STRC: variants seen among roughly 807,000 people sequenced by gnomAD.
STRC encodes stereocilin.
Under a neutral mutation model 103.5 loss-of-function variants are expected in STRC, and 43 were observed. That is an observed-to-expected ratio of 0.42 (90% CI 0.33 to 0.54). STRC has a LOEUF of 0.54. STRC is among the 20% of genes least tolerant of loss of function. The pLI is 0.14. For synonymous variants in STRC, 186 were observed against 442.3 expected (o/e 0.42, Z 7.27); for missense variants, 499 against 1,088.5 (o/e 0.46, Z 7.62).
chr15:43,606,457 G>T (rs1175407471), intron 18 of STRC, among the ~76,000 whole-genome samples: 1 of 149,088 alleles, frequency 6.7e-6, no homozygotes. Context: ...AAAATTAGCC[G>T]GGTGTGGTGG....
chr15:43,604,334 CTCCCT>C (rs2085696619), intron 21 of STRC, 22 bp downstream of exon 21: 1 of 1,571,748 alleles, frequency 6.4e-7, no homozygotes, highest in Non-Finnish European at 8.7e-7. Flanking sequence ...TATGCATTTA[CTCCCT>C]TCCCTTCTTC....
rs368600593 is a variant in STRC at position 43,600,047 on chromosome 15, G to A, written c.5152C>T (p.Pro1718Ser). ...GGACTCAGAAAGGCCATTTGCTCAGGAGTGACAGCCACAGCCTGAGCACTG... is the reference window on the plus strand; with the variant it reads ...GGACTCAGAAAGGCCATTTGCTCAGAAGTGACAGCCACAGCCTGAGCACTG... ...LTSAQAVAVT[P>S]EQMAFLSPEQ... is the part of the protein sequence containing the mutation. Residue 1718 changes from proline (P) to serine (S), a missense_variant, in exon 28 of 29, where the codon CCT becomes TCT. Transcript: ENST00000450892. 228 of 1,612,354 alleles carry A rather than the reference G, an allele frequency of 1.4e-4. 3 individuals are homozygous for A. Among genetic ancestry groups the A allele is most frequent in the Non-Finnish European group, 1.9e-4 (225 of 1,179,452 alleles).
intron 21 of STRC, 83 bp downstream of exon 21, chr15:43,604,278 G>T: frequency 6.3e-7 from 1 of 1,595,480 alleles, no homozygotes; most frequent in Non-Finnish European, 8.6e-7. Flanking sequence ...CATATCCTTT[G>T]CCCTCTTTGG....
At chr15:43,603,827 C>G (rs1317553590) in intron 22 of STRC, among the ~76,000 whole-genome samples, 169 bp downstream of exon 22, 2 of 151,950 alleles carry the variant, frequency 1.3e-5, no homozygotes, top group African/African-American at 4.8e-5. Context: ...TTTACAAACT[C>G]CCAGAACTAC....
intron 16 of STRC, among the ~76,000 whole-genome samples, chr15:43,608,741 A>AAG (rs2085728895): frequency 6.9e-6 from 1 of 144,254 alleles, no homozygotes; most frequent in Non-Finnish European, 1.5e-5. Flanking sequence ...AAAAAAAAAA[A>AAG]AAGATTCTGA....
intron 16 of STRC, 81 bp downstream of exon 16, chr15:43,609,195 A>T: frequency 6.9e-7 from 1 of 1,442,022 alleles, no homozygotes; most frequent in Non-Finnish European, 9.7e-7. Flanking sequence ...CCCATTCCAT[A>T]TCACATGGTG....
intron 23 of STRC, 55 bp from the exon 24 acceptor site, chr15:43,601,606 C>A (rs533699412): frequency 3.1e-5 from 50 of 1,594,038 alleles, no homozygotes; most frequent in Middle Eastern, 3.3e-4. Flanking sequence ...GGGAGTCATA[C>A]TGCTGGGTTT....
intron 23 of STRC, chr15:43,601,815 C>G: frequency 2.1e-6 from 1 of 465,234 alleles, no homozygotes; most frequent in African/African-American, 2.0e-5. Flanking sequence ...GACACAGAGA[C>G]GCTTATTAAA....
chr15:43,600,670 G>C lies in STRC; in HGVS notation c.4857C>G (p.Leu1619=), dbSNP rs751876108. Residue 1619 remains leucine (L), a synonymous_variant, in exon 26 of 29, where the codon CTC becomes CTG. Coordinates refer to ENST00000450892, the MANE Select transcript of STRC (RefSeq NM_153700.2). ...ACTGGAGATGCAGGGTGCCGAGGAA[G>C]AGAGCTGCTTGGCTGTAGAACAGTA... The part of the protein sequence containing the change: ...ISSWEFSQAA[L]FLGTLHLQCS... 1.9e-5 allele frequency: 30 copies of C among 1,613,548 alleles called. No individual in the cohort carries two copies. The Admixed American group carries it at 4.3e-4, about 23-fold the overall frequency.
intron 18 of STRC, among the ~76,000 whole-genome samples, chr15:43,606,607 T>G (rs1328017849): frequency 7.8e-6 from 1 of 128,074 alleles, no homozygotes; most frequent in East Asian, 2.5e-4. Context: ...CTCAAAAATA[T>G]AAATAAATAA....
rs547048922 is a variant in STRC at position 43,609,401 on chromosome 15, G to C, written c.3499-67C>G. Reference sequence around the variant, plus strand: ...CTGTCCAAGGATACCCCCTAGAGTGGAGAGGCAGGACTGCCTTGGACCCAG... The same window carrying C: ...CTGTCCAAGGATACCCCCTAGAGTGCAGAGGCAGGACTGCCTTGGACCCAG... On this transcript the variant is annotated intron_variant, in intron 15 of 28. Transcript: ENST00000450892. 1.1e-3 allele frequency: 1,651 copies of C among 1,494,758 alleles called. 29 individuals are homozygous for C. The highest frequency in any genetic ancestry group is 7.2e-3 in the African/African-American group (458 of 63,484). 92.6% of individuals were successfully genotyped at this position (1,494,758 alleles called of 1,614,324 possible).
In STRC at chr15:43,605,279, C is replaced by T. The variant is rs367697646; in HGVS notation, c.3915G>A (p.Arg1305=). 2.2e-5 allele frequency: 35 copies of T among 1,588,536 alleles called. No homozygotes were observed. Among genetic ancestry groups the T allele is most frequent in the South Asian group, 5.7e-5 (5 of 87,832 alleles). Residue 1305 remains arginine (R), a synonymous_variant, in exon 19 of 29, where the codon AGG becomes AGA. Transcript: ENST00000450892. ...GGACTCTTACCAGGTTTTGTAGTGC[C>T]CTCTCTGCCAGGGCTGCCTGGTGGA... ...TPLHQAALAE[R]ALQNLAPKET... is the part of the protein sequence containing the mutation.
chr15:43,607,000 A>C (rs1281694729), intron 18 of STRC, among the ~76,000 whole-genome samples: 1 of 130,724 alleles, frequency 7.6e-6, no homozygotes, highest in African/African-American at 3.1e-5. Context: ...ACTCTGTCTC[A>C]AAAAAAAAAA....
Position 43,604,082 on chromosome 15 carries a change from C to G in STRC, c.4289G>C (p.Gly1430Ala), listed in dbSNP as rs1309112053. The change falls in exon 22 of 29, where the codon GGA (glycine) becomes GCA (alanine). Residue 1430 changes from glycine (G) to alanine (A), a missense_variant. Coordinates refer to ENST00000450892, the MANE Select transcript of STRC (RefSeq NM_153700.2). ...AAGCTGTGGCTCCCTACACAGCTGT[C>G]CAACTCTGCTCTGCTCCCAGCTCTG... ...KQQSWEQSRV[G>A]QLCREPQLAA... The G allele has an allele frequency of 6.2e-7, 1 of 1,613,174 alleles. No homozygotes were observed. Among genetic ancestry groups the G allele is most frequent in the African/African-American group, 1.3e-5 (1 of 74,862 alleles).
At chr15:43,605,491 T>C in intron 18 of STRC, 92 bp from the exon 19 acceptor site, 1 of 1,545,312 alleles carries the variant, frequency 6.5e-7, no homozygotes, top group African/African-American at 1.4e-5. Context: ...AGCTAAGATG[T>C]GACCCCAGAC....
chr15:43,603,136 C>G (rs2085684596), intron 23 of STRC, 106 bp downstream of exon 23: 3 of 1,240,272 alleles, frequency 2.4e-6, no homozygotes, highest in African/African-American at 2.9e-5. Flanking sequence ...ACTCTTCTAT[C>G]TCTTGCTTCC....
chr15:43,601,679 T>C (rs2085670263), intron 23 of STRC, 128 bp from the exon 24 acceptor site: 1 of 952,780 alleles, frequency 1.0e-6, no homozygotes, highest in Non-Finnish European at 1.6e-6. Flanking sequence ...TTCTTTAGTT[T>C]CCTCCACTAT....
At position 43,603,307 on chromosome 15, in the gene STRC, A is replaced by C. The variant is rs762838506; in HGVS notation, c.4480T>G (p.Leu1494Val). The change falls in exon 23 of 29, where the codon TTA becomes GTA. Residue 1494 changes from leucine (L) to valine (V), a missense_variant. Leu to Val is a conservative substitution (Grantham distance 32, BLOSUM62 1). Coordinates refer to ENST00000450892, the MANE Select transcript of STRC (RefSeq NM_153700.2). ...ELSDFEDCLT[L>V]FAGDPGLGPE... Reference sequence around the variant, plus strand: ...CCAAGTCCTGGGTCTCCTGCAAATAATGTCAGGCAGTCCTCAAAGTCTGAG... The same window carrying C: ...CCAAGTCCTGGGTCTCCTGCAAATACTGTCAGGCAGTCCTCAAAGTCTGAG... 4 of 1,613,714 alleles carry C rather than the reference A, an allele frequency of 2.5e-6. No homozygotes were observed. Among genetic ancestry groups the C allele is most frequent in the Non-Finnish European group, 3.4e-6 (4 of 1,179,902 alleles).
At chr15:43,606,574 T>C (rs1046188051) in intron 18 of STRC, among the ~76,000 whole-genome samples, 2 of 149,298 alleles carry the variant, frequency 1.3e-5, no homozygotes, top group African/African-American at 5.0e-5. Context: ...CACTCCAGCC[T>C]GGGTGACAGA....
Sources: allele counts gnomAD v4.1 joint callset (sites outside exome capture counted in the v4.1 genomes callset), GRCh38; gene constraint gnomAD v4.1.1; transcripts MANE v1.5; gene names NCBI Gene and HGNC (gene_info 2026-07-23, HGNC 2026-07-21).